SCARA5: variants seen among roughly 807,000 people sequenced by gnomAD.
SCARA5 encodes the protein scavenger receptor class A, member 5 (putative).
SCARA5 carries 45 observed loss-of-function variants against 46.3 expected under a neutral mutation model. That is an observed-to-expected ratio of 0.97 (90% CI 0.76 to 1.24). The LOEUF is 1.24. Among genes scored for constraint, SCARA5 ranks in the 50% most tolerant of loss-of-function variants. The pLI, the probability that SCARA5 is intolerant of heterozygous loss-of-function variation, is 0.00. For synonymous variants in SCARA5, 333 were observed against 306.5 expected (o/e 1.09, Z -0.90); for missense variants, 680 against 689.0 (o/e 0.99, Z 0.15).
At chr8:27,878,208 C>T (rs75129070) in intron 8 of SCARA5, among the ~76,000 whole-genome samples, 1,942 of 152,324 alleles carry the variant, frequency 0.013, 91 homozygotes, top group East Asian at 0.13. Context: ...CTGGTCTTCT[C>T]CACAGGTGAG....
chr8:27,987,181 G>C (rs978329083), intron 2 of SCARA5, among the ~76,000 whole-genome samples: 1 of 152,184 alleles, frequency 6.6e-6, no homozygotes, highest in Non-Finnish European at 1.5e-5. Context: ...AGAGGCCCTT[G>C]CCTGACCCGA....
Position 27,921,709 on chromosome 8 carries a change from G to A in SCARA5, c.778C>T (p.Arg260Cys), listed in dbSNP as rs746653643. ...VLVSNASEDTRRLRLAHVGME... is the reference protein window; with the variant it reads ...VLVSNASEDTCRLRLAHVGME... ...CCTACGTGCGCCAGGCGCAGGCGGC[G>A]CGTGTCCTCGCTGGCGTTGCTCACC... The change falls in exon 4 of 9, where the codon CGC becomes TGC. Residue 260 changes from arginine to cysteine, a missense_variant. Around this residue, in one of 3 missense-constraint regions of SCARA5, gnomAD observed 438 missense variants for 384.5 expected, o/e 1.14. Transcript: ENST00000354914. 6.8e-5 allele frequency: 108 copies of A among 1,599,434 alleles called. No individual in the cohort carries two copies. Among genetic ancestry groups the A allele is most frequent in the South Asian group, 4.4e-4 (39 of 88,528 alleles).
chr8:27,968,815 G>A (rs1390287789), intron 2 of SCARA5, among the ~76,000 whole-genome samples: 8 of 152,084 alleles, frequency 5.3e-5, no homozygotes, highest in Admixed American at 2.6e-4. Flanking sequence ...GTGGGTCAAT[G>A]TGCAATGATG....
intron 8 of SCARA5, among the ~76,000 whole-genome samples, 156 bp downstream of exon 8, chr8:27,879,413 T>C (rs549872400): frequency 3.6e-4 from 54 of 151,932 alleles, no homozygotes; most frequent in Non-Finnish European, 6.0e-4. Context: ...GATGGTTGCC[T>C]GGGGCGGGGC....
intron 2 of SCARA5, among the ~76,000 whole-genome samples, chr8:27,974,168 TCA>T (rs1210907724): frequency 6.6e-6 from 1 of 152,134 alleles, no homozygotes; most frequent in Non-Finnish European, 1.5e-5. Flanking sequence ...GCAGCATCTC[TCA>T]CAGTGCTTCG....
intron 7 of SCARA5, among the ~76,000 whole-genome samples, chr8:27,882,548 C>T (rs1806827726): frequency 6.6e-6 from 1 of 152,168 alleles, no homozygotes; most frequent in Non-Finnish European, 1.5e-5. Context: ...GGCTGTGTCC[C>T]GGGAAGTGTC....
At chr8:27,966,382 A>C (rs747492018) in intron 3 of SCARA5, 32 bp downstream of exon 3, 14 of 1,573,212 alleles carry the variant, frequency 8.9e-6, no homozygotes, top group African/African-American at 1.4e-5. Flanking sequence ...TCCTCATCCC[A>C]AAAGACCAGG....
At chr8:27,967,593 C>A (rs1278968344) in intron 2 of SCARA5, among the ~76,000 whole-genome samples, 1 of 152,184 alleles carries the variant, frequency 6.6e-6, no homozygotes, top group Admixed American at 6.5e-5. Context: ...TAAGACCCCT[C>A]TCCAGAAGGA....
rs187202605 is a variant in SCARA5 at position 27,960,801 on chromosome 8, T to C, written c.241+5613A>G. Among the ~76,000 whole-genome samples the C allele has an allele frequency of 3.5e-3, 82 of 23,378 alleles. 1 individual carries two copies. Among genetic ancestry groups the C allele is most frequent in the Admixed American group, 0.017 (28 of 1,602 alleles). The allele number at this position is 23,378 out of a possible 152,430, so 15.3% of individuals were successfully genotyped here. On this transcript the variant is annotated intron_variant, in intron 3 of 8. Transcript: ENST00000354914. ...CAGACTACAGCTTATATCCTGTTCA[T>C]GAATTATGAAATAAATGAGTTGTGA...
intron 3 of SCARA5, among the ~76,000 whole-genome samples, chr8:27,950,778 C>T (rs915013970): frequency 6.6e-6 from 1 of 151,652 alleles, no homozygotes; most frequent in Admixed American, 6.6e-5. Context: ...AGTGCCAGCA[C>T]TTTCCTTGAG....
At chr8:27,982,357 C>G (rs1430323089) in intron 2 of SCARA5, among the ~76,000 whole-genome samples, 1 of 135,254 alleles carries the variant, frequency 7.4e-6, no homozygotes, top group East Asian at 2.2e-4. Flanking sequence ...TCGGGGAAAC[C>G]AAGGCGGGAG....
chr8:27,897,388 A>C (rs1807080942), intron 7 of SCARA5, among the ~76,000 whole-genome samples: 1 of 152,242 alleles, frequency 6.6e-6, no homozygotes, highest in Non-Finnish European at 1.5e-5. Context: ...TTTTCTAAAT[A>C]AACAGTCAAA....
intron 7 of SCARA5, among the ~76,000 whole-genome samples, chr8:27,895,656 A>C (rs1807052810): frequency 6.6e-6 from 1 of 152,212 alleles, no homozygotes; most frequent in Non-Finnish European, 1.5e-5. Flanking sequence ...TCACATGATA[A>C]GGCGGCCACG....
Position 27,955,530 on chromosome 8 carries a change from T to C in SCARA5, c.241+10884A>G, listed in dbSNP as rs139404256. Among the ~76,000 whole-genome samples, 349 of 152,262 alleles carry C rather than the reference T, an allele frequency of 2.3e-3. 3 individuals are homozygous for C. Among genetic ancestry groups the C allele is most frequent in the African/African-American group, 7.8e-3 (324 of 41,540 alleles). ...TGGAAGCATGGGGTGAAGCTGAACA[T>C]TGTCCTAACAAAACCAAACACACCA... On this transcript the variant is annotated intron_variant, in intron 3 of 8. Coordinates refer to ENST00000354914, the MANE Select transcript of SCARA5 (RefSeq NM_173833.6).
At chr8:27,905,024 A>G (rs1347064463) in intron 6 of SCARA5, among the ~76,000 whole-genome samples, 190 bp from the exon 7 acceptor site, 1 of 152,104 alleles carries the variant, frequency 6.6e-6, no homozygotes, top group East Asian at 1.9e-4. Context: ...TACCCCAAGA[A>G]GGAGGAGGCA....
At chr8:27,879,858 G>A in intron 7 of SCARA5, 92 bp from the exon 8 acceptor site, 1 of 1,228,124 alleles carries the variant, frequency 8.1e-7, no homozygotes. Flanking sequence ...CCCTGGGTAG[G>A]AGGAAGAGAG....
intron 2 of SCARA5, among the ~76,000 whole-genome samples, chr8:27,982,185 C>T (rs976466723): frequency 2.6e-5 from 4 of 152,014 alleles, no homozygotes; most frequent in Non-Finnish European, 5.9e-5. Flanking sequence ...GGGCTGGGGC[C>T]GTGGGGGCGA....
In SCARA5 at chr8:27,906,493, T is replaced by C. The variant is rs76608514; in HGVS notation, c.1096+655A>G. Among the ~76,000 whole-genome samples the C allele has an allele frequency of 1.7e-3, 257 of 152,364 alleles. 2 individuals are homozygous for C. The East Asian group carries it at 0.023, about 14-fold the overall frequency. On this transcript the variant is annotated intron_variant, in intron 6 of 8. Coordinates refer to ENST00000354914, the MANE Select transcript of SCARA5 (RefSeq NM_173833.6). ...TAGAAGGTCAGGAGTCTGGCAGGAC[T>C]AGGGAGGAGGGCTGTCCTGGGCCTG...
At position 27,904,757 on chromosome 8, in the gene SCARA5, G is replaced by A. The variant is rs1186816749; in HGVS notation, c.1153+21C>T. On this transcript the variant is annotated intron_variant, in intron 7 of 8. Transcript: ENST00000354914. ...CCCTGTGCCAACACCATATCCCACG[G>A]CCCCAGCAGAATGTCCTTACTGGCA... 6 of 1,609,196 alleles carry A rather than the reference G, an allele frequency of 3.7e-6. No homozygotes were observed. The Middle Eastern group carries it at 4.9e-4, about 132-fold the overall frequency.
Sources: gnomAD v4.1 joint callset for allele counts (sites outside exome capture counted in the v4.1 genomes callset) on GRCh38, gnomAD v4.1.1 for gene constraint, gnomAD v4.1.1 regional missense constraint, MANE v1.5 for transcripts, NCBI Gene and HGNC (gene_info 2026-07-23, HGNC 2026-07-21) for gene names.